SLC35F4: variants seen among roughly 807,000 people sequenced by gnomAD.
The protein encoded by SLC35F4 is chromosome 14 open reading frame 36.
Under a neutral mutation model 44.2 loss-of-function variants are expected in SLC35F4, and 24 were observed. The ratio of observed to expected loss-of-function variants is 0.54; its 90% CI spans 0.39 to 0.76. The LOEUF (loss-of-function observed/expected upper bound fraction) is 0.76, where lower values mean the gene tolerates loss of function less well. Among genes scored for constraint, SLC35F4 ranks in the 30% least tolerant of loss-of-function variants. The pLI, the probability that SLC35F4 is intolerant of heterozygous loss-of-function variation, is 0.00. For synonymous variants in SLC35F4, 238 were observed against 223.6 expected, an observed-to-expected ratio of 1.06 and a Z score of -0.57; for missense variants, 562 against 586.1, an observed-to-expected ratio of 0.96 and a Z score of 0.42.
chr14:57,581,217 C>G lies in SLC35F4; in HGVS notation c.804G>C (p.Val268=). Residue 268 remains valine (V), a synonymous_variant, in exon 4 of 8, where the codon GTG becomes GTC. Coordinates refer to ENST00000556826, the MANE Select transcript of SLC35F4 (RefSeq NM_001306087.2). Reference sequence around the variant, plus strand: ...ATTGAATCAAGTATGCCATTACCCTCACTCCCATGAACCTGTCTTTCAGCA... The same window carrying G: ...ATTGAATCAAGTATGCCATTACCCTGACTCCCATGAACCTGTCTTTCAGCA... ...WIVLKDRFMG[V]RIVAAIMAIT... is the part of the protein sequence containing the mutation. The G allele has an allele frequency of 6.4e-7, 1 of 1,556,398 alleles. No homozygotes were observed. The highest frequency in any genetic ancestry group is 8.7e-7 in the Non-Finnish European group (1 of 1,153,568).
At chr14:57,786,663 G>C (rs1595060989) in intron 1 of SLC35F4, among the ~76,000 whole-genome samples, 1 of 152,186 alleles carries the variant, frequency 6.6e-6, no homozygotes, top group South Asian at 2.1e-4. Flanking sequence ...CCAGAAGAGA[G>C]ACAACGATCA....
At chr14:57,957,383 A>G (rs1406404210) in intron 1 of SLC35F4, among the ~76,000 whole-genome samples, 1 of 151,902 alleles carries the variant, frequency 6.6e-6, no homozygotes, top group Admixed American at 6.5e-5. Flanking sequence ...CACGTGTATA[A>G]CTAGGTAACA....
chr14:57,674,056 T>C (rs1350733972), intron 1 of SLC35F4, among the ~76,000 whole-genome samples: 2 of 152,052 alleles, frequency 1.3e-5, no homozygotes, highest in African/African-American at 2.4e-5. Flanking sequence ...TTTTTACTTT[T>C]ATCTTAAGTT....
chr14:57,575,723 A>C (rs1425018701), intron 4 of SLC35F4, among the ~76,000 whole-genome samples: 2 of 152,194 alleles, frequency 1.3e-5, no homozygotes, highest in African/African-American at 2.4e-5. Flanking sequence ...CTCGTGAGCC[A>C]GCTATCTTCC....
intron 1 of SLC35F4, chr14:57,596,962 C>T (rs934120523): frequency 1.6e-5 from 19 of 1,155,742 alleles, no homozygotes; most frequent in South Asian, 1.6e-4. Flanking sequence ...GACCTGGAGA[C>T]GTATTCAGGG....
chr14:57,910,431 G>T (rs1364326531), intron 1 of SLC35F4, among the ~76,000 whole-genome samples: 1 of 151,894 alleles, frequency 6.6e-6, no homozygotes, highest in Non-Finnish European at 1.5e-5. Context: ...TTATATTTTT[G>T]CATTTTAGAT....
intron 1 of SLC35F4, among the ~76,000 whole-genome samples, chr14:57,652,560 G>A (rs536400964): frequency 2.6e-5 from 4 of 152,180 alleles, no homozygotes; most frequent in South Asian, 2.1e-4. Context: ...CTGGGAGGTG[G>A]GTGCTGCTGG....
chr14:57,910,651 T>C (rs895661119), intron 1 of SLC35F4, among the ~76,000 whole-genome samples: 4 of 152,176 alleles, frequency 2.6e-5, no homozygotes, highest in Admixed American at 2.6e-4. Flanking sequence ...TTGTCTAGTC[T>C]TTTGCCAAAT....
At position 57,706,854 on chromosome 14, in the gene SLC35F4, A is replaced by T. The variant is rs1242658233; in HGVS notation, c.104-112730T>A. 5.9e-5 allele frequency among the ~76,000 whole-genome samples: 9 copies of T among 152,214 alleles called. No individual in the cohort carries two copies. In the East Asian group the frequency reaches 1.7e-3, roughly 29 times the overall value. ...ACTTTGCAACCAAGTCAAGAATGTG[A>T]ATTTTCTCTTAAGGCCAATAGGAAG... On this transcript the variant is annotated intron_variant, in intron 1 of 7. Coordinates refer to ENST00000556826, the MANE Select transcript of SLC35F4 (RefSeq NM_001306087.2).
rs536695931 is a variant in SLC35F4 at position 57,831,324 on chromosome 14, T to C, written c.103+34399A>G. ...GACACAGAGTTTGTTGGCACCTTGATCTTAGACTTCCCAGCCTCCAGAACT... is the reference window on the plus strand; with the variant it reads ...GACACAGAGTTTGTTGGCACCTTGACCTTAGACTTCCCAGCCTCCAGAACT... On this transcript the variant is annotated intron_variant, in intron 1 of 7. Coordinates refer to ENST00000556826, the MANE Select transcript of SLC35F4 (RefSeq NM_001306087.2). Among the ~76,000 whole-genome samples the C allele has an allele frequency of 2.6e-4, 40 of 152,310 alleles. 1 individual carries two copies. Among genetic ancestry groups the C allele is most frequent in the Non-Finnish European group, 4.9e-4 (33 of 68,030 alleles).
At chr14:57,800,495 C>T (rs2078165375) in intron 1 of SLC35F4, among the ~76,000 whole-genome samples, 1 of 152,122 alleles carries the variant, frequency 6.6e-6, no homozygotes, top group African/African-American at 2.4e-5. Context: ...AGCAAGGGCA[C>T]AGAACTGGAC....
chr14:57,964,991 A>AAAAAATATATATATATATAT (rs1555331532), intron 1 of SLC35F4, among the ~76,000 whole-genome samples: 3 of 115,696 alleles, frequency 2.6e-5, no homozygotes, highest in African/African-American at 1.1e-4. Flanking sequence ...AAAAAAAAAA[A>AAAAAATATATATATATATAT]ATATATATAT....
chr14:57,868,530 C>T (rs1888229584), upstream of SLC35F4, among the ~76,000 whole-genome samples: 1 of 150,544 alleles, frequency 6.6e-6, no homozygotes, highest in Non-Finnish European at 1.5e-5. Context: ...GGCTGGAGTG[C>T]AATGGTGCAA....
chr14:57,582,209 T>A (rs1041910848), intron 3 of SLC35F4, among the ~76,000 whole-genome samples: 6 of 152,090 alleles, frequency 3.9e-5, no homozygotes, highest in African/African-American at 1.4e-4. Context: ...CATGATTTTT[T>A]TTTTCCCCCT....
chr14:57,934,270 G>A (rs1367702526), intron 1 of SLC35F4, among the ~76,000 whole-genome samples: 1 of 150,844 alleles, frequency 6.6e-6, no homozygotes, highest in Non-Finnish European at 1.5e-5. Context: ...CTAGGTTGTG[G>A]GGAGTGGGAT....
chr14:57,871,031 TTA>T (rs1388051274), upstream of SLC35F4, among the ~76,000 whole-genome samples: 2 of 152,192 alleles, frequency 1.3e-5, no homozygotes, highest in African/African-American at 2.4e-5. Flanking sequence ...ACCGAGGCTG[TTA>T]ATCCCCAGGT....
chr14:57,872,471 T>G (rs774588658), intron 1 of SLC35F4, among the ~76,000 whole-genome samples: 5 of 152,158 alleles, frequency 3.3e-5, no homozygotes, highest in African/African-American at 4.8e-5. Context: ...GTCTCACCTT[T>G]GCAGTGACCA....
intron 1 of SLC35F4, among the ~76,000 whole-genome samples, chr14:57,854,621 C>T (rs960308841): frequency 2.0e-5 from 3 of 152,190 alleles, no homozygotes; most frequent in Non-Finnish European, 2.9e-5. Flanking sequence ...TCCACCTTTC[C>T]CTGCTACCTC....
chr14:57,855,739 C>T (rs538656762), intron 1 of SLC35F4, among the ~76,000 whole-genome samples: 13 of 152,282 alleles, frequency 8.5e-5, no homozygotes, highest in South Asian at 8.3e-4. Context: ...CTTACACACA[C>T]GTGTATTTAT....
Sources: allele counts gnomAD v4.1 joint callset (sites outside exome capture counted in the v4.1 genomes callset), GRCh38; gene constraint gnomAD v4.1.1; transcripts MANE v1.5; gene names NCBI Gene and HGNC (gene_info 2026-07-23, HGNC 2026-07-21).